Variants in PRRX1 observed in about 807,000 individuals in gnomAD.
PRRX1 encodes paired mesoderm homeobox protein 1.
Under a neutral mutation model 24.0 loss-of-function variants are expected in PRRX1, and 8 were observed. The observed-to-expected ratio is 0.33, with a 90% CI of 0.20 to 0.60. The LOEUF (loss-of-function observed/expected upper bound fraction) is 0.60. PRRX1 is among the 20% of genes least tolerant of loss of function. The pLI is 0.82. For synonymous variants in PRRX1, 160 were observed against 131.7 expected (o/e 1.22, Z -1.47); for missense variants, 281 against 322.4 (o/e 0.87, Z 0.98).
intron 1 of PRRX1, among the ~76,000 whole-genome samples, chr1:170,696,333 CAT>C (rs1558052166): frequency 6.6e-6 from 1 of 152,186 alleles, no homozygotes; most frequent in African/African-American, 2.4e-5. Context: ...TGAATCTTAA[CAT>C]TATATTTTAC....
intron 1 of PRRX1, among the ~76,000 whole-genome samples, chr1:170,714,866 G>A (rs1421555224): frequency 7.9e-5 from 12 of 152,122 alleles, no homozygotes; most frequent in East Asian, 1.9e-4. Context: ...ACTCATATTT[G>A]AATGCACAGA....
chr1:170,691,337 T>TTG (rs1392244301), intron 1 of PRRX1, among the ~76,000 whole-genome samples: 3 of 152,062 alleles, frequency 2.0e-5, no homozygotes, highest in Admixed American at 6.6e-5. Context: ...CAGATCAAAC[T>TTG]TACATAAATA....
At chr1:170,665,759 A>G (rs1652903532) in intron 1 of PRRX1, among the ~76,000 whole-genome samples, 1 of 152,246 alleles carries the variant, frequency 6.6e-6, no homozygotes, top group South Asian at 2.1e-4. Context: ...TGTGCTCAAG[A>G]CGCCTGGTCT....
chr1:170,665,762 C>A lies in PRRX1; in HGVS notation c.241+1303C>A, dbSNP rs977270547. Among the ~76,000 whole-genome samples the A allele has an allele frequency of 2.7e-4, 41 of 152,270 alleles. 1 individual carries two copies. The highest frequency in any genetic ancestry group is 9.2e-4 in the Admixed American group (14 of 15,294). On this transcript the variant is annotated intron_variant, in intron 1 of 3. Transcript: ENST00000239461. ...GAGAGCCTCTGGTGTGCTCAAGACG[C>A]CTGGTCTTCACCCTGCTTCCTTAGT...
chr1:170,719,666 G>C, intron 1 of PRRX1, 60 bp from the exon 2 acceptor site: 1 of 1,554,166 alleles, frequency 6.4e-7, no homozygotes, highest in South Asian at 1.1e-5. Flanking sequence ...CCATAAAAAA[G>C]TCTTAACTGG....
chr1:170,694,691 G>A (rs1399553197), intron 1 of PRRX1, among the ~76,000 whole-genome samples: 1 of 152,048 alleles, frequency 6.6e-6, no homozygotes, highest in Non-Finnish European at 1.5e-5. Flanking sequence ...GTTGATTCAG[G>A]ACTTCTGCTA....
intron 1 of PRRX1, among the ~76,000 whole-genome samples, chr1:170,692,713 C>CCTCTCT (rs375918496): frequency 1.1e-4 from 15 of 139,026 alleles, no homozygotes; most frequent in Admixed American, 5.7e-4. Flanking sequence ...ACTAACAAAT[C>CCTCTCT]CTCTCTCTCT....
At chr1:170,690,716 G>A (rs1473448334) in intron 1 of PRRX1, among the ~76,000 whole-genome samples, 2 of 152,018 alleles carry the variant, frequency 1.3e-5, no homozygotes, top group Non-Finnish European at 2.9e-5. Flanking sequence ...TTTTTATTGG[G>A]TCAGGGCAGA....
At chr1:170,677,701 C>T (rs1192563381) in intron 1 of PRRX1, among the ~76,000 whole-genome samples, 1 of 152,206 alleles carries the variant, frequency 6.6e-6, no homozygotes, top group African/African-American at 2.4e-5. Flanking sequence ...CCATGAGTAT[C>T]TGGAAGAGCC....
intron 1 of PRRX1, among the ~76,000 whole-genome samples, chr1:170,703,709 T>C (rs1198515737): frequency 6.6e-6 from 1 of 152,158 alleles, no homozygotes; most frequent in Non-Finnish European, 1.5e-5. Flanking sequence ...GTAGCCAAAC[T>C]ACCAGATATC....
intron 2 of PRRX1, among the ~76,000 whole-genome samples, chr1:170,722,163 A>T (rs1450180505): frequency 2.0e-5 from 3 of 152,010 alleles, no homozygotes; most frequent in East Asian, 3.9e-4. Flanking sequence ...TCCCTTCATG[A>T]CTTCATTCTT....
At chr1:170,707,899 A>G (rs1211200727) in intron 1 of PRRX1, among the ~76,000 whole-genome samples, 1 of 152,206 alleles carries the variant, frequency 6.6e-6, no homozygotes, top group African/African-American at 2.4e-5. Flanking sequence ...CCAAGGTTAT[A>G]TGAGGAAATA....
chr1:170,689,601 GTT>G (rs959756955), intron 1 of PRRX1, among the ~76,000 whole-genome samples: 6 of 152,142 alleles, frequency 3.9e-5, no homozygotes, highest in African/African-American at 1.4e-4. Flanking sequence ...AGAAGCACAT[GTT>G]TTTGTTTTTG....
chr1:170,675,410 A>G (rs1653286532), intron 1 of PRRX1, among the ~76,000 whole-genome samples: 1 of 152,162 alleles, frequency 6.6e-6, no homozygotes, highest in African/African-American at 2.4e-5. Flanking sequence ...TTTTGTAGCA[A>G]ACTAGAAATT....
chr1:170,667,122 C>G (rs1403861431), intron 1 of PRRX1, among the ~76,000 whole-genome samples: 1 of 152,068 alleles, frequency 6.6e-6, no homozygotes, highest in African/African-American at 2.4e-5. Context: ...GTTACAATGA[C>G]TAGAGAGGCC....
At chr1:170,718,198 G>A (rs1376453527) in intron 1 of PRRX1, among the ~76,000 whole-genome samples, 1 of 152,212 alleles carries the variant, frequency 6.6e-6, no homozygotes, top group Admixed American at 6.5e-5. Flanking sequence ...AACTCAGCAA[G>A]CATTTACTAT....
At chr1:170,721,404 T>C (rs1235192737) in intron 2 of PRRX1, among the ~76,000 whole-genome samples, 3 of 152,170 alleles carry the variant, frequency 2.0e-5, no homozygotes, top group Non-Finnish European at 4.4e-5. Flanking sequence ...GGTAGATTCC[T>C]AGCCCATCGA....
chr1:170,708,357 C>T (rs12140571), intron 1 of PRRX1, among the ~76,000 whole-genome samples: 7,011 of 152,132 alleles, frequency 0.046, 234 homozygotes, highest in Middle Eastern at 0.12. Context: ...AGTGCATCGG[C>T]TTCCTTACTA....
chr1:170,691,842 G>A (rs1653994261), intron 1 of PRRX1, among the ~76,000 whole-genome samples: 1 of 152,070 alleles, frequency 6.6e-6, no homozygotes. Flanking sequence ...TCTGGGTTGT[G>A]GTCAACAGAG....
Sources: allele counts gnomAD v4.1 joint callset (sites outside exome capture counted in the v4.1 genomes callset), GRCh38; gene constraint gnomAD v4.1.1; transcripts MANE v1.5; gene names NCBI Gene and HGNC (gene_info 2026-07-23, HGNC 2026-07-21).